KNTC1: variants seen among roughly 807,000 people sequenced by gnomAD.
KNTC1 encodes kinetochore associated 1.
KNTC1 carries 253 observed loss-of-function variants against 314.4 expected under a neutral mutation model. That is an observed-to-expected ratio of 0.80 (90% confidence interval 0.73 to 0.89). KNTC1 has a LOEUF of 0.89. Ranked by LOEUF, KNTC1 falls within the 40% of genes least tolerant of loss-of-function variation. KNTC1 has a pLI of 0.00. For missense variants in KNTC1, 2,475 were observed against 2,572.9 expected (o/e 0.96, Z 0.82); for synonymous variants, 901 against 901.4 (o/e 1.00, Z 0.01).
At chr12:122,534,872 C>G in intron 3 of KNTC1, 88 bp downstream of exon 3, 1 of 1,262,384 alleles carries the variant, frequency 7.9e-7, no homozygotes, top group Non-Finnish European at 1.1e-6. Context: ...CCTCTTTACT[C>G]CATTATTTCT....
chr12:122,604,749 G>A (rs1872389778), intron 49 of KNTC1, 112 bp downstream of exon 49: 3 of 1,217,028 alleles, frequency 2.5e-6, no homozygotes, highest in Non-Finnish European at 3.6e-6. Flanking sequence ...GAAGACCAAG[G>A]CTTTATGTAG....
Position 122,527,346 on chromosome 12 carries a change from T to C in KNTC1, c.-79T>C, listed in dbSNP as rs1593454563. 5.9e-6 allele frequency: 1 copy of C among 169,016 alleles called. No homozygotes were observed. The highest frequency in any genetic ancestry group is 1.8e-4 in the East Asian group (1 of 5,482). 10.5% of individuals were successfully genotyped at this position (169,016 alleles called of 1,614,324 possible). On this transcript the variant is annotated 5_prime_UTR_variant, in exon 1 of 64. Coordinates refer to ENST00000333479, the MANE Select transcript of KNTC1 (RefSeq NM_014708.6). The stretch of plus-strand genomic sequence containing the variant: ...GAGTGTTCCTCTTTAGTTTCTTCAA[T>C]TGCAGGTGAGGACGGGGAGCTGCGC...
chr12:122,607,999 C>T (rs1401404815), intron 51 of KNTC1, among the ~76,000 whole-genome samples: 1 of 152,162 alleles, frequency 6.6e-6, no homozygotes, highest in East Asian at 1.9e-4. Flanking sequence ...ATCATTTCTT[C>T]TGAATTTTCA....
At chr12:122,598,062 TCTC>T in intron 44 of KNTC1, 124 bp downstream of exon 44, 1 of 697,728 alleles carries the variant, frequency 1.4e-6, no homozygotes, top group Middle Eastern at 4.0e-4. Flanking sequence ...TTTGAAATAT[TCTC>T]TTGATTTCTA....
At chr12:122,623,792 C>G (rs1035473418) in intron 62 of KNTC1, among the ~76,000 whole-genome samples, 2 of 152,090 alleles carry the variant, frequency 1.3e-5, no homozygotes, top group East Asian at 3.9e-4. Flanking sequence ...TCTGGCCGGG[C>G]GCAGTGGCTT....
intron 60 of KNTC1, 39 bp from the exon 61 acceptor site, chr12:122,621,836 AAATAAT>A: frequency 7.7e-7 from 1 of 1,291,822 alleles, no homozygotes; most frequent in Non-Finnish European, 1.1e-6. Context: ...CTGTTGGAAT[AAATAAT>A]AACAATTTTC....
intron 51 of KNTC1, 23 bp from the exon 52 acceptor site, chr12:122,609,361 C>T: frequency 1.3e-6 from 2 of 1,522,212 alleles, no homozygotes; most frequent in Non-Finnish European, 1.8e-6. Flanking sequence ...AGTTTTTGAC[C>T]TTTTTTTCCT....
Position 122,624,624 on chromosome 12 carries a change from CTG to C in KNTC1, c.6543_6544del (p.Glu2182IlefsTer17), listed in dbSNP as rs1874814565. ...TTAGATGAAGCTTCAGTCTTGATAACTGAATATTCAAAGCACTGCGGGAAACC... is the reference window on the plus strand; with the variant it reads ...TTAGATGAAGCTTCAGTCTTGATAACAATATTCAAAGCACTGCGGGAAACC... On this transcript the variant is annotated frameshift_variant, in exon 63 of 64. Coordinates refer to ENST00000333479, the MANE Select transcript of KNTC1 (RefSeq NM_014708.6). LOFTEE classifies it high-confidence loss of function. The C allele has an allele frequency of 6.2e-7, 1 of 1,613,200 alleles. No individual in the cohort carries two copies.
intron 59 of KNTC1, among the ~76,000 whole-genome samples, chr12:122,619,866 C>T (rs1461244465): frequency 4.6e-5 from 7 of 152,040 alleles, no homozygotes; most frequent in Non-Finnish European, 1.0e-4. Context: ...ACAGCGTTGT[C>T]GCATATATTT....
chr12:122,552,831 A>G (rs1173812385), intron 16 of KNTC1, among the ~76,000 whole-genome samples: 1 of 152,156 alleles, frequency 6.6e-6, no homozygotes, highest in Non-Finnish European at 1.5e-5. Context: ...AATGAAGTAC[A>G]GATATAGGTG....
chr12:122,579,940 C>G lies in KNTC1; in HGVS notation c.2877C>G (p.Ser959=), dbSNP rs770629141. 6.2e-7 allele frequency: 1 copy of G among 1,610,578 alleles called. No homozygotes were observed. Among genetic ancestry groups the G allele is most frequent in the Admixed American group, 1.7e-5 (1 of 59,972 alleles). Residue 959 remains serine, a synonymous_variant, in exon 32 of 64, where the codon TCC becomes TCG. Coordinates refer to ENST00000333479, the MANE Select transcript of KNTC1 (RefSeq NM_014708.6). The part of the protein sequence containing the change: ...KAWRMSVAKT[S]VDILKILCDI... ...GGAGAATGTCTGTAGCGAAGACATC[C>G]GTGGACATTCTTAAGATACTATGTG...
rs926034673 is a variant in KNTC1, at chr12:122,563,402, ATTACTAT to A, written c.1604+707_1604+713del. ...GATTTATATTGGTTCTGTAGCTGAC[ATTACTAT>A]TTAACAGTAATAATTATGTCCTGTA... On this transcript the variant is annotated intron_variant, in intron 20 of 63. Transcript: ENST00000333479. Among the ~76,000 whole-genome samples, 28 of 152,190 alleles carry A rather than the reference ATTACTAT, an allele frequency of 1.8e-4. 1 individual carries two copies. The highest frequency in any genetic ancestry group is 2.9e-4 in the Non-Finnish European group (20 of 68,040).
At chr12:122,578,412 GT>G (rs893049907) in intron 31 of KNTC1, among the ~76,000 whole-genome samples, 62 of 147,898 alleles carry the variant, frequency 4.2e-4, no homozygotes, top group African/African-American at 1.4e-3. Flanking sequence ...CAATAGTTGG[GT>G]TTTTTTTTTC....
At chr12:122,569,617 C>T in intron 21 of KNTC1, 64 bp from the exon 22 acceptor site, 1 of 1,430,756 alleles carries the variant, frequency 7.0e-7, no homozygotes, top group Non-Finnish European at 9.7e-7. Context: ...ATATCTTTGT[C>T]AAACATTTGG....
chr12:122,576,475 T>G (rs1965027849), intron 29 of KNTC1, among the ~76,000 whole-genome samples: 1 of 152,052 alleles, frequency 6.6e-6, no homozygotes, highest in Non-Finnish European at 1.5e-5. Context: ...GGTCAAGAGA[T>G]CAAGACCATT....
At chr12:122,558,120 C>T (rs1215082197) in intron 18 of KNTC1, among the ~76,000 whole-genome samples, 2 of 151,514 alleles carry the variant, frequency 1.3e-5, no homozygotes, top group Non-Finnish European at 2.9e-5. Flanking sequence ...CGTGGTGGCA[C>T]GTGCCTGTAG....
intron 33 of KNTC1, 81 bp downstream of exon 33, chr12:122,580,751 G>T: frequency 2.3e-6 from 2 of 876,216 alleles, no homozygotes; most frequent in Non-Finnish European, 3.5e-6. Context: ...CTGTATGGCT[G>T]GGCGCAGTGG....
intron 8 of KNTC1, among the ~76,000 whole-genome samples, chr12:122,544,515 C>T (rs1186297061): frequency 1.3e-5 from 2 of 151,870 alleles, no homozygotes; most frequent in East Asian, 1.9e-4. Context: ...CAGACAAAAA[C>T]GATAGAAAAC....
At chr12:122,531,162 T>C (rs1337112210) in intron 2 of KNTC1, among the ~76,000 whole-genome samples, 4 of 149,326 alleles carry the variant, frequency 2.7e-5, no homozygotes, top group Admixed American at 2.0e-4. Flanking sequence ...TGCTTTTGAC[T>C]TTTTTTTTTA....
Sources: allele counts gnomAD v4.1 joint callset (sites outside exome capture counted in the v4.1 genomes callset), GRCh38; gene constraint gnomAD v4.1.1; transcripts MANE v1.5; gene names NCBI Gene and HGNC (gene_info 2026-07-23, HGNC 2026-07-21).